The following GTPBP4 variants were observed in gnomAD, a reference collection of about 807,000 sequenced individuals.
GTPBP4 encodes GTP-binding protein 4.
GTPBP4 carries 15 observed loss-of-function variants against 81.7 expected under a neutral mutation model. The observed-to-expected ratio is 0.18, with a 90% confidence interval of 0.12 to 0.28. The LOEUF (loss-of-function observed/expected upper bound fraction) is 0.28, where lower values mean the gene tolerates loss of function less well. GTPBP4 is among the 10% of genes least tolerant of loss of function. The pLI, the probability that GTPBP4 is intolerant of heterozygous loss-of-function variation, is 1.00. For missense variants in GTPBP4, 847 were observed against 793.8 expected, an observed-to-expected ratio of 1.07 and a Z score of -0.81; for synonymous variants, 272 against 274.6, an observed-to-expected ratio of 0.99 and a Z score of 0.09.
chr10:1,016,770 G>A (rs1832001494), intron 16 of GTPBP4, among the ~76,000 whole-genome samples: 1 of 152,128 alleles, frequency 6.6e-6, no homozygotes, highest in Admixed American at 6.5e-5. Context: ...TAACTGTGCT[G>A]GGCTTAAGAG....
intron 8 of GTPBP4, among the ~76,000 whole-genome samples, chr10:1,004,945 A>G (rs1831698286): frequency 6.6e-6 from 1 of 152,172 alleles, no homozygotes; most frequent in Non-Finnish European, 1.5e-5. Context: ...GCCCAGTGTC[A>G]GCTCCTTCTG....
At chr10:1,014,206 C>T (rs904299494) in intron 14 of GTPBP4, 41 bp from the exon 15 acceptor site, 21 of 1,288,080 alleles carry the variant, frequency 1.6e-5, no homozygotes, top group Non-Finnish European at 2.3e-5. Flanking sequence ...AACATTTCAT[C>T]AAACTAATTT....
intron 13 of GTPBP4, among the ~76,000 whole-genome samples, chr10:1,011,754 G>T (rs756715158): frequency 4.9e-4 from 75 of 152,348 alleles, no homozygotes; most frequent in Middle Eastern, 3.4e-3. Flanking sequence ...GGCATCTGCT[G>T]TCACCTCTGC....
At position 1,000,956 on chromosome 10, in the gene GTPBP4, A is replaced by G; in HGVS notation, c.855A>G (p.Ile285Met). 6.2e-7 allele frequency: 1 copy of G among 1,612,258 alleles called. No homozygotes were observed. Among genetic ancestry groups the G allele is most frequent in the Non-Finnish European group, 8.5e-7 (1 of 1,178,262 alleles). ...TTTTCTTCCTTGCCTAGCCTCTCAT[A>G]GTTGTAGCCAACAAATGTGATGTGA... ...IRPLFINKPLIVVANKCDVKR... is the reference protein window; with the variant it reads ...IRPLFINKPLMVVANKCDVKR... The change falls in exon 8 of 17, where the codon ATA becomes ATG. Residue 285 changes from isoleucine to methionine, a missense_variant. By Grantham distance (10) the Ile-to-Met change is conservative (BLOSUM62 1). Transcript: ENST00000360803.
At chr10:1,015,941 T>G (rs756172807) in intron 16 of GTPBP4, 45 bp downstream of exon 16, 2 of 1,530,956 alleles carry the variant, frequency 1.3e-6, no homozygotes, top group Admixed American at 3.6e-5. Flanking sequence ...CAGTCTCTGT[T>G]GTTTATTGCA....
rs1274263941 is a variant in GTPBP4, at chr10:1,017,208, G to A, written c.1886G>A (p.Gly629Asp). 6.2e-7 allele frequency: 1 copy of A among 1,614,060 alleles called. No homozygotes were observed. The highest frequency in any genetic ancestry group is 1.7e-5 in the Admixed American group (1 of 60,006). ...KHLLSGKRKA[G>D]KKDRR ...TTGCTGTCTGGGAAGAGGAAAGCTG[G>A]TAAAAAGGACAGGAGATAGTATCCG... The change falls in exon 17 of 17, where the codon GGT becomes GAT. Residue 629 changes from glycine to aspartate, a missense_variant. This residue lies in a region of GTPBP4 where 600 missense variants were observed against 557.1 expected (regional missense o/e 1.08). Transcript: ENST00000360803.
intron 11 of GTPBP4, 99 bp downstream of exon 11, chr10:1,009,134 C>A: frequency 1.2e-6 from 1 of 838,370 alleles, no homozygotes; most frequent in Non-Finnish European, 2.0e-6. Flanking sequence ...GCCGCGGGTG[C>A]CCAGACACTG....
chr10:1,012,453 C>A lies in GTPBP4; in HGVS notation c.1345-12C>A. The A allele has an allele frequency of 6.3e-7, 1 of 1,584,488 alleles. No individual in the cohort carries two copies. Among genetic ancestry groups the A allele is most frequent in the South Asian group, 1.2e-5 (1 of 86,582 alleles). ...TTGTTAATTTTGCTTCATTACAACT[C>A]CATTTTTAAAGAAATTGGAAGAATT... On this transcript the variant is annotated splice_polypyrimidine_tract_variant and intron_variant, in intron 13 of 16. Coordinates refer to ENST00000360803, the MANE Select transcript of GTPBP4 (RefSeq NM_012341.3).
At position 1,015,761 on chromosome 10, in the gene GTPBP4, C is replaced by T. The variant is rs778562492; in HGVS notation, c.1617C>T (p.Tyr539=). Residue 539 remains tyrosine (Y), a synonymous_variant, in exon 16 of 17, where the codon TAC becomes TAT. Coordinates refer to ENST00000360803, the MANE Select transcript of GTPBP4 (RefSeq NM_012341.3). ...VDMDDKDDAH[Y]AVQARRSRSI... ...CTTCCCCTGCTTTGCAGGCCCATTA[C>T]GCAGTCCAGGCAAGAAGATCCCGGA... is the stretch of plus-strand genomic sequence containing the variant. The T allele has an allele frequency of 2.5e-6, 4 of 1,613,628 alleles. No individual in the cohort carries two copies. The East Asian group carries it at 6.7e-5, about 27-fold the overall frequency.
chr10:1,005,787 T>C, intron 8 of GTPBP4, 31 bp from the exon 9 acceptor site: 1 of 1,212,238 alleles, frequency 8.2e-7, no homozygotes, highest in African/African-American at 1.5e-5. Context: ...AAATGAATAA[T>C]ACATCTCTCG....
In GTPBP4 at chr10:997,258, C is replaced by G. The variant is rs570880637; in HGVS notation, c.511C>G (p.Leu171Val). The G allele has an allele frequency of 6.2e-7, 1 of 1,611,032 alleles. No individual in the cohort carries two copies. Among genetic ancestry groups the G allele is most frequent in the South Asian group, 1.1e-5 (1 of 91,020 alleles). Residue 171 changes from leucine (L) to valine (V), a missense_variant, in exon 5 of 17, where the codon CTG becomes GTG. This residue lies in a region of GTPBP4 where 241 missense variants were observed against 216.3 expected (regional missense o/e 1.11). Coordinates refer to ENST00000360803, the MANE Select transcript of GTPBP4 (RefSeq NM_012341.3). ...AACCATTGATCCGAATACCAGGACCCTGCTTTTGTGTGGGTACCCAAATGT... is the reference window on the plus strand; with the variant it reads ...AACCATTGATCCGAATACCAGGACCGTGCTTTTGTGTGGGTACCCAAATGT... ...LPTIDPNTRT[L>V]LLCGYPNVGK...
At chr10:1,009,762 A>G (rs551873317) in intron 12 of GTPBP4, among the ~76,000 whole-genome samples, 182 bp downstream of exon 12, 2 of 152,352 alleles carry the variant, frequency 1.3e-5, no homozygotes, top group East Asian at 1.9e-4. Context: ...CTGTAATCAC[A>G]GCACTTTGGA....
At chr10:1,009,358 C>T (rs1167870099) in intron 11 of GTPBP4, among the ~76,000 whole-genome samples, 171 bp from the exon 12 acceptor site, 1 of 152,168 alleles carries the variant, frequency 6.6e-6, no homozygotes, top group Non-Finnish European at 1.5e-5. Flanking sequence ...AACCCAAAGG[C>T]TGGCCCCGCA....
intron 5 of GTPBP4, 119 bp downstream of exon 5, chr10:997,427 G>A (rs1371051902): frequency 2.1e-5 from 16 of 744,202 alleles, no homozygotes; most frequent in Non-Finnish European, 7.3e-6. Flanking sequence ...TATTCTGACT[G>A]CGTGGGATTC....
chr10:992,781 A>C, intron 2 of GTPBP4, 122 bp downstream of exon 2: 1 of 606,956 alleles, frequency 1.6e-6, no homozygotes, highest in Non-Finnish European at 2.9e-6. Flanking sequence ...TAGGTTACTC[A>C]GTAAGTTAGT....
chr10:1,006,580 G>C (rs1482028600), intron 9 of GTPBP4, among the ~76,000 whole-genome samples: 1 of 152,204 alleles, frequency 6.6e-6, no homozygotes, highest in East Asian at 1.9e-4. Context: ...GGAGGTTGCT[G>C]TGAGCTGAGA....
At position 996,214 on chromosome 10, in the gene GTPBP4, G is replaced by T; in HGVS notation, c.432G>T (p.Gln144His). Residue 144 changes from glutamine to histidine, a missense_variant, in exon 4 of 17, where the codon CAG becomes CAT. Physicochemically the swap from Gln to His is conservative, Grantham distance 24 (BLOSUM62 0). Coordinates refer to ENST00000360803, the MANE Select transcript of GTPBP4 (RefSeq NM_012341.3). ...GGATGTGCACAGTGATCAAGAGGCA[G>T]AAGCAGAGTTTGGAGTATTTGGAGC... Reference protein sequence around the residue: ...LGRMCTVIKRQKQSLEYLEQV... With the variant: ...LGRMCTVIKRHKQSLEYLEQV... The T allele has an allele frequency of 6.2e-7, 1 of 1,613,740 alleles. No homozygotes were observed. Among genetic ancestry groups the T allele is most frequent in the Middle Eastern group, 1.7e-4 (1 of 6,060 alleles).
intron 13 of GTPBP4, among the ~76,000 whole-genome samples, chr10:1,011,627 G>C (rs181131550): frequency 6.6e-6 from 1 of 152,338 alleles, no homozygotes; most frequent in East Asian, 1.9e-4. Context: ...CCGTCATTGA[G>C]TTCACATTTT....
Position 1,017,211 on chromosome 10 carries a change from A to G in GTPBP4, c.1889A>G (p.Lys630Arg). 3 of 1,614,130 alleles carry G rather than the reference A, an allele frequency of 1.9e-6. No individual in the cohort carries two copies. Among genetic ancestry groups the G allele is most frequent in the Non-Finnish European group, 2.5e-6 (3 of 1,179,966 alleles). The stretch of plus-strand genomic sequence containing the variant: ...CTGTCTGGGAAGAGGAAAGCTGGTA[A>G]AAAGGACAGGAGATAGTATCCGTTT... ...HLLSGKRKAG[K>R]KDRR The change falls in exon 17 of 17, where the codon AAA becomes AGA. Residue 630 changes from lysine to arginine, a missense_variant. Around this residue, in one of 3 missense-constraint regions of GTPBP4, gnomAD observed 600 missense variants for 557.1 expected, o/e 1.08. Transcript: ENST00000360803.
Sources: gnomAD v4.1 joint callset for allele counts (sites outside exome capture counted in the v4.1 genomes callset) on GRCh38, gnomAD v4.1.1 for gene constraint, gnomAD v4.1.1 regional missense constraint, MANE v1.5 for transcripts, NCBI Gene and HGNC (gene_info 2026-07-23, HGNC 2026-07-21) for gene names.